POLE: variants seen among roughly 807,000 people sequenced by gnomAD.
POLE encodes the protein DNA polymerase epsilon catalytic subunit A.
In POLE, 188 loss-of-function variants were observed where a neutral mutation model predicts 279.2. That is an observed-to-expected ratio of 0.67 (90% CI 0.60 to 0.76). The LOEUF (loss-of-function observed/expected upper bound fraction) is 0.76, where lower values mean the gene tolerates loss of function less well. Among genes scored for constraint, POLE ranks in the 30% least tolerant of loss-of-function variants. The pLI, the probability that POLE is intolerant of heterozygous loss-of-function variation, is 0.00. For synonymous variants in POLE, 1,214 were observed against 1,172.5 expected, an observed-to-expected ratio of 1.04 and a Z score of -0.72; for missense variants, 2,703 against 3,016.7, an observed-to-expected ratio of 0.90 and a Z score of 2.44.
chr12:132,665,439 C>G lies in POLE; in HGVS notation c.2331G>C (p.Lys777Asn). The part of the protein sequence containing the change: ...EFKGLHKVWK[K>N]KLSAAVEVGD... ...CCACCTCCACGGCCGCCGAGAGCTTCTTTTTCCACACCTGAGAAGCACATG... is the reference window on the plus strand; with the variant it reads ...CCACCTCCACGGCCGCCGAGAGCTTGTTTTTCCACACCTGAGAAGCACATG... The change falls in exon 21 of 49, where the codon AAG (lysine) becomes AAC (asparagine). Residue 777 changes from lysine to asparagine, a missense_variant. This residue lies in a region of POLE where 1,011 missense variants were observed against 1,111.7 expected (regional missense o/e 0.91). Transcript: ENST00000320574. 1 of 1,611,000 alleles carries G rather than the reference C, an allele frequency of 6.2e-7. No individual in the cohort carries two copies. The highest frequency in any genetic ancestry group is 1.1e-5 in the South Asian group (1 of 91,082).
At chr12:132,677,177 C>A (rs558062468) in intron 8 of POLE, among the ~76,000 whole-genome samples, 186 bp downstream of exon 8, 1 of 151,980 alleles carries the variant, frequency 6.6e-6, no homozygotes, top group African/African-American at 2.4e-5. Flanking sequence ...CAGTGATATA[C>A]AACAAAAAAG....
At position 132,659,265 on chromosome 12, in the gene POLE, T is replaced by G. The variant is rs1448503265; in HGVS notation, c.3275+30A>C. 2.5e-6 allele frequency: 4 copies of G among 1,602,780 alleles called. No homozygotes were observed. In the South Asian group the frequency reaches 4.4e-5, roughly 18 times the overall value. On this transcript the variant is annotated intron_variant, in intron 26 of 48. Transcript: ENST00000320574. ...CACCTGTCCGTGATGGGAGGAGCCC[T>G]CACCTCTCCGTGATGGGGGGAGCCC... is the stretch of plus-strand genomic sequence containing the variant.
chr12:132,657,922 G>C lies in POLE; in HGVS notation c.3324C>G (p.His1108Gln). ...AGCTCTTGAGCCATTTCCGGAGAAA[G>C]TGCTTCCTCACCGTGGGCTCTGCTT... ...IFQAEPTVRKHFLRKWLKSSS... is the reference protein window; with the variant it reads ...IFQAEPTVRKQFLRKWLKSSS... The change falls in exon 27 of 49, where the codon CAC (histidine) becomes CAG (glutamine). Residue 1108 changes from histidine to glutamine, a missense_variant. Coordinates refer to ENST00000320574, the MANE Select transcript of POLE (RefSeq NM_006231.4). 6.2e-7 allele frequency: 1 copy of C among 1,614,142 alleles called. No homozygotes were observed. Among genetic ancestry groups the C allele is most frequent in the Non-Finnish European group, 8.5e-7 (1 of 1,179,980 alleles).
At position 132,649,094 on chromosome 12, in the gene POLE, C is replaced by T. The variant is rs749677953; in HGVS notation, c.4006-22G>A. The T allele has an allele frequency of 6.8e-6, 11 of 1,606,166 alleles. No homozygotes were observed. In the East Asian group the frequency reaches 2.2e-4, roughly 33 times the overall value. ...TGATCTGAAAGGCCACACGGACATACAGCACATCACAGGACACACTGGAAC... is the reference window on the plus strand; with the variant it reads ...TGATCTGAAAGGCCACACGGACATATAGCACATCACAGGACACACTGGAAC... On this transcript the variant is annotated intron_variant, in intron 31 of 48. Coordinates refer to ENST00000320574, the MANE Select transcript of POLE (RefSeq NM_006231.4).
rs1401309769 is a variant in POLE at position 132,638,078 on chromosome 12, T to A, written c.5614A>T (p.Ile1872Phe). 1 of 1,613,806 alleles carries A rather than the reference T, an allele frequency of 6.2e-7. No individual in the cohort carries two copies. Among genetic ancestry groups the A allele is most frequent in the Admixed American group, 1.7e-5 (1 of 59,984 alleles). Residue 1872 changes from isoleucine (I) to phenylalanine (F), a missense_variant, in exon 41 of 49, where the codon ATC (isoleucine) becomes TTC (phenylalanine). Transcript: ENST00000320574. ...SVIYANFNRI[I>F]LCTKKRRVED... is the part of the protein sequence containing the mutation. ...ACACGGCGCTTCTTTGTACAGAGGA[T>A]GATGCGGTTGAAGTTGGCGTAGATG...
In POLE at chr12:132,641,512, A is replaced by G. The variant is rs562909246; in HGVS notation, c.5378+135T>C. On this transcript the variant is annotated intron_variant, in intron 39 of 48. Transcript: ENST00000320574. ...GACAATAGACTATGGAAAACTCGCC[A>G]CACAGTGGTCTCTGGCTCTGCCATT... 1.3e-4 allele frequency: 92 copies of G among 735,626 alleles called. 2 individuals are homozygous for G. In the South Asian group the frequency reaches 1.3e-3, roughly 11 times the overall value. The allele number at this position is 735,626 out of a possible 1,614,324, so 45.6% of individuals were successfully genotyped here.
chr12:132,638,833 G>A (rs917525712), intron 40 of POLE: 18 of 383,356 alleles, frequency 4.7e-5, no homozygotes, highest in Admixed American at 3.2e-4. Context: ...CCTGACACAG[G>A]CATATTTTCA....
Position 132,677,384 on chromosome 12 carries a change from T to G in POLE, c.780A>C (p.Arg260=), listed in dbSNP as rs1555229573. Residue 260 remains arginine (R), a synonymous_variant, in exon 8 of 49, where the codon CGA becomes CGC. Coordinates refer to ENST00000320574, the MANE Select transcript of POLE (RefSeq NM_006231.4). ...TTACAGGTCGTTCAACAAGGTCATC[T>G]CGGCGGGTGATTTCTACCGGAAAAG... The part of the protein sequence containing the change: ...GNAFPVEITR[R]DDLVERPDPV... 1.9e-6 allele frequency: 3 copies of G among 1,614,110 alleles called. No individual in the cohort carries two copies. The highest frequency in any genetic ancestry group is 2.5e-6 in the Non-Finnish European group (3 of 1,179,944).
At chr12:132,643,114 G>A in intron 35 of POLE, 110 bp downstream of exon 35, 1 of 1,472,840 alleles carries the variant, frequency 6.8e-7, no homozygotes. Context: ...GCACTCATGG[G>A]CAAAGGCCCT....
In POLE at chr12:132,649,054, C is replaced by T. The variant is rs1301501264; in HGVS notation, c.4024G>A (p.Ala1342Thr). 3 of 1,612,564 alleles carry T rather than the reference C, an allele frequency of 1.9e-6. No individual in the cohort carries two copies. Among genetic ancestry groups the T allele is most frequent in the South Asian group, 2.2e-5 (2 of 91,016 alleles). ...QIVQISETSQ[A>T]GLFRLWALVG... ...AGCGCCCACAGCCTGAACAGGCCGGCCTGGCTGGTCTCGCTGATCTGAAAG... is the reference window on the plus strand; with the variant it reads ...AGCGCCCACAGCCTGAACAGGCCGGTCTGGCTGGTCTCGCTGATCTGAAAG... Residue 1342 changes from alanine (A) to threonine (T), a missense_variant, in exon 32 of 49, where the codon GCC becomes ACC. This residue lies in a region of POLE where 1,551 missense variants were observed against 1,686.1 expected (regional missense o/e 0.92). Transcript: ENST00000320574.
chr12:132,661,700 G>A lies in POLE; in HGVS notation c.2707-16C>T, dbSNP rs951638753. ...TGAAGCCTTCCTGAGAAACAAGAGT[G>A]AAGAGGGGGCAGCTTCACTCATGAT... On this transcript the variant is annotated splice_polypyrimidine_tract_variant and intron_variant, in intron 23 of 48. Coordinates refer to ENST00000320574, the MANE Select transcript of POLE (RefSeq NM_006231.4). This position sits in a 1 kb window ranked among gnomAD's most constrained non-coding sequence, Gnocchi z 4.1. 7 of 1,613,194 alleles carry A rather than the reference G, an allele frequency of 4.3e-6. No homozygotes were observed. The highest frequency in any genetic ancestry group is 1.3e-5 in the African/African-American group (1 of 74,910).
intron 6 of POLE, among the ~76,000 whole-genome samples, chr12:132,678,100 C>T (rs2043096687): frequency 6.6e-6 from 1 of 152,142 alleles, no homozygotes; most frequent in South Asian, 2.1e-4. Flanking sequence ...ATCACTTGAA[C>T]CCAGGAGGCG....
chr12:132,673,471 G>C lies in POLE; in HGVS notation c.1359+104C>G. The C allele has an allele frequency of 2.0e-6, 3 of 1,518,948 alleles. No individual in the cohort carries two copies. The South Asian group carries it at 3.6e-5, about 18-fold the overall frequency. The allele number at this position is 1,518,948 out of a possible 1,614,324, so 94.1% of individuals were successfully genotyped here. On this transcript the variant is annotated intron_variant, in intron 13 of 48. Transcript: ENST00000320574. The stretch of plus-strand genomic sequence containing the variant: ...GGGCTGGCATACATGCGTGCACACG[G>C]CAGCAGGGGGAGCCGGGATGTGGCT...
intron 32 of POLE, 46 bp from the exon 33 acceptor site, chr12:132,644,023 A>G (rs1251398066): frequency 1.9e-6 from 3 of 1,593,882 alleles, no homozygotes; most frequent in African/African-American, 2.7e-5. Flanking sequence ...GTAAGTGGTA[A>G]TGTCTGTGGT....
chr12:132,630,299 GCA>G (rs2041911651), intron 45 of POLE, among the ~76,000 whole-genome samples: 1 of 152,176 alleles, frequency 6.6e-6, no homozygotes, highest in African/African-American at 2.4e-5. Flanking sequence ...CCGCTTCGAA[GCA>G]CAATAAGACA....
At chr12:132,667,019 A>G (rs2042811624) in intron 20 of POLE, among the ~76,000 whole-genome samples, 1 of 152,128 alleles carries the variant, frequency 6.6e-6, no homozygotes, top group Non-Finnish European at 1.5e-5. Context: ...ATATAAAATA[A>G]TGACCCGTTG....
rs534210950 is a variant in POLE, at chr12:132,669,420, C to T, written c.1795-481G>A. 1.8e-4 allele frequency among the ~76,000 whole-genome samples: 27 copies of T among 151,722 alleles called. 1 individual carries two copies. The highest frequency in any genetic ancestry group is 6.5e-4 in the African/African-American group (27 of 41,358). ...TCAAGGCTGTAGTGAGCCCAGATTG[C>T]ACCACTGCACTCCAGCCTGGGCAAC... is the stretch of plus-strand genomic sequence containing the variant. On this transcript the variant is annotated intron_variant, in intron 16 of 48. Transcript: ENST00000320574.
Position 132,649,308 on chromosome 12 carries a change from G to T in POLE, c.4003C>A (p.Gln1335Lys), listed in dbSNP as rs2042361612. 1 of 1,613,442 alleles carries T rather than the reference G, an allele frequency of 6.2e-7. No homozygotes were observed. The highest frequency in any genetic ancestry group is 2.2e-5 in the East Asian group (1 of 44,866). ...TCCCCTTGGATCAAGGTCTATACCTGCACAATCTGCCACGGAAGGTCCAGG... is the reference window on the plus strand; with the variant it reads ...TCCCCTTGGATCAAGGTCTATACCTTCACAATCTGCCACGGAAGGTCCAGG... ...SILDLPWQIVQISETSQAGLF... is the reference protein window; with the variant it reads ...SILDLPWQIVKISETSQAGLF... The change falls in exon 31 of 49, where the codon CAG (glutamine) becomes AAG (lysine). Residue 1335 changes from glutamine (Q) to lysine (K), a missense_variant and splice_region_variant. By Grantham distance (53) the Gln-to-Lys change is moderately conservative. Around this residue, in one of 5 missense-constraint regions of POLE, gnomAD observed 1,551 missense variants for 1,686.1 expected, o/e 0.92. Coordinates refer to ENST00000320574, the MANE Select transcript of POLE (RefSeq NM_006231.4).
At chr12:132,683,250 C>A (rs528726011) in intron 1 of POLE, among the ~76,000 whole-genome samples, 2 of 151,864 alleles carry the variant, frequency 1.3e-5, no homozygotes, top group Non-Finnish European at 2.9e-5. Context: ...GCTGGGTGGG[C>A]GCAGTGTAAT....
Sources: gnomAD v4.1 joint callset for allele counts (sites outside exome capture counted in the v4.1 genomes callset) on GRCh38, gnomAD v4.1.1 for gene constraint, gnomAD v4.1.1 regional missense constraint, Gnocchi (gnomAD v3.1) non-coding constraint, MANE v1.5 for transcripts, NCBI Gene and HGNC (gene_info 2026-07-23, HGNC 2026-07-21) for gene names.